CPO: variants seen among roughly 807,000 people sequenced by gnomAD.
The protein encoded by CPO is metallocarboxypeptidase C.
In CPO, 43 loss-of-function variants were observed where a neutral mutation model predicts 41.2. The observed-to-expected ratio is 1.04, with a 90% CI of 0.82 to 1.35. The LOEUF (loss-of-function observed/expected upper bound fraction) is 1.35. Ranked by LOEUF, CPO falls within the 40% of genes most tolerant of loss-of-function variation. The pLI, the probability that CPO is intolerant of heterozygous loss-of-function variation, is 0.00. For missense variants in CPO, 408 were observed against 451.7 expected, an observed-to-expected ratio of 0.90 and a Z score of 0.88; for synonymous variants, 178 against 162.7, an observed-to-expected ratio of 1.09 and a Z score of -0.72.
At chr2:206,965,285 A>G (rs1222534198) in intron 7 of CPO, among the ~76,000 whole-genome samples, 1 of 152,200 alleles carries the variant, frequency 6.6e-6, no homozygotes, top group Non-Finnish European at 1.5e-5. Context: ...GAAGCTACTT[A>G]GCAGTGTTTT....
chr2:206,942,447 A>G (rs534565442), intron 1 of CPO, among the ~76,000 whole-genome samples: 1 of 152,284 alleles, frequency 6.6e-6, no homozygotes, highest in South Asian at 2.1e-4. Context: ...AAAGTTTGAA[A>G]ATACAGAACT....
chr2:206,947,584 C>G (rs1372659206), intron 1 of CPO, among the ~76,000 whole-genome samples: 2 of 151,798 alleles, frequency 1.3e-5, no homozygotes. Flanking sequence ...TTCTACTTTG[C>G]AAAAGACAAT....
chr2:206,945,697 G>A (rs1156832754), intron 1 of CPO, among the ~76,000 whole-genome samples: 3 of 152,292 alleles, frequency 2.0e-5, no homozygotes, highest in Admixed American at 1.3e-4. Flanking sequence ...GAGGCACTGA[G>A]TAGCTTTATT....
intron 1 of CPO, among the ~76,000 whole-genome samples, chr2:206,939,932 T>C (rs1374651169): frequency 1.3e-5 from 2 of 152,148 alleles, no homozygotes; most frequent in Non-Finnish European, 2.9e-5. Flanking sequence ...TGTTTTGTGA[T>C]TGGAAAAAGA....
chr2:206,946,021 G>C (rs1693138748), intron 1 of CPO, among the ~76,000 whole-genome samples: 1 of 151,424 alleles, frequency 6.6e-6, no homozygotes, highest in African/African-American at 2.4e-5. Flanking sequence ...AAAGCACCAG[G>C]CCAAGATAGG....
intron 1 of CPO, among the ~76,000 whole-genome samples, chr2:206,944,571 G>A (rs1225331197): frequency 6.6e-6 from 1 of 151,720 alleles, no homozygotes; most frequent in Non-Finnish European, 1.5e-5. Flanking sequence ...CATTTTCATT[G>A]TTTTAACCAA....
At chr2:206,969,036 A>T (rs73053220) in intron 8 of CPO, 138 bp from the exon 9 acceptor site, 66,276 of 864,740 alleles carry the variant, frequency 0.077, 3,452 homozygotes, top group African/African-American at 0.22. Context: ...GAAGAAAGAG[A>T]AGACAGCTAT....
Position 206,958,450 on chromosome 2 carries a change from A to T in CPO, c.372+45A>T, listed in dbSNP as rs746217253. 1.8e-5 allele frequency: 19 copies of T among 1,043,650 alleles called. No individual in the cohort carries two copies. In the Middle Eastern group the frequency reaches 6.2e-4, roughly 34 times the overall value. The allele number at this position is 1,043,650 out of a possible 1,614,324, so 64.6% of individuals were successfully genotyped here. On this transcript the variant is annotated intron_variant, in intron 4 of 8. Transcript: ENST00000272852. ...TCATACTGGTAAATCACCCCCATAA[A>T]ATATCTGTCACTTCTTGGCTGCTTA... is the stretch of plus-strand genomic sequence containing the variant.
chr2:206,956,605 A>G (rs746847391), intron 3 of CPO, among the ~76,000 whole-genome samples: 1 of 152,216 alleles, frequency 6.6e-6, no homozygotes, highest in Non-Finnish European at 1.5e-5. Flanking sequence ...ACACTTGATC[A>G]TAGCCAAAAG....
rs939569263 is a variant in CPO, at chr2:206,965,516, T to C, written c.778-2747T>C. On this transcript the variant is annotated intron_variant, in intron 7 of 8. Coordinates refer to ENST00000272852, the MANE Select transcript of CPO (RefSeq NM_173077.3). The stretch of plus-strand genomic sequence containing the variant: ...TGTGTAGGAGAAACATAACTATATA[T>C]AGCCTCTTTCTAAACTGCTCTGGAA... 3.9e-4 allele frequency among the ~76,000 whole-genome samples: 59 copies of C among 152,320 alleles called. 1 individual carries two copies. Among genetic ancestry groups the C allele is most frequent in the African/African-American group, 1.4e-3 (58 of 41,574 alleles).
chr2:206,969,176 G>A lies in CPO; in HGVS notation c.865G>A (p.Ala289Thr). 6.2e-7 allele frequency: 1 copy of A among 1,614,020 alleles called. No homozygotes were observed. Among genetic ancestry groups the A allele is most frequent in the Non-Finnish European group, 8.5e-7 (1 of 1,179,864 alleles). The change falls in exon 9 of 9, where the codon GCC becomes ACC. Residue 289 changes from alanine to threonine, a missense_variant and splice_region_variant. Coordinates refer to ENST00000272852, the MANE Select transcript of CPO (RefSeq NM_173077.3). ...TGCCTTCATGTTTTCACCTGTAGAT[G>A]CCTCATCAGGGTCTTCAAGAGATTG... The part of the protein sequence containing the change: ...RVGSSADILY[A>T]SSGSSRDWAR...
At chr2:206,956,356 G>A (rs1182772481) in intron 3 of CPO, among the ~76,000 whole-genome samples, 1 of 152,128 alleles carries the variant, frequency 6.6e-6, no homozygotes, top group African/African-American at 2.4e-5. Flanking sequence ...AACCAGAGTT[G>A]ACAATCTCTG....
Position 206,967,352 on chromosome 2 carries a change from G to GAT in CPO, c.778-905_778-904dup, listed in dbSNP as rs1289145502. ...AATGCTATATATATATATATATATA[G>GAT]ATATATAGATATAGATATAGATATA... On this transcript the variant is annotated intron_variant, in intron 7 of 8. Transcript: ENST00000272852. Among the ~76,000 whole-genome samples the GAT allele has an allele frequency of 6.4e-3, 755 of 118,392 alleles. 9 individuals carry two copies. Among genetic ancestry groups the GAT allele is most frequent in the African/African-American group, 0.024 (714 of 29,722 alleles). The allele number at this position is 118,392 out of a possible 152,430, so 77.7% of individuals were successfully genotyped here. A position where few individuals can be genotyped will look rare whatever the true frequency, so the allele number is the denominator to read the frequency against.
chr2:206,966,957 C>A (rs947879516), intron 7 of CPO, among the ~76,000 whole-genome samples: 1 of 152,154 alleles, frequency 6.6e-6, no homozygotes, highest in Non-Finnish European at 1.5e-5. Context: ...TAGGGTTCAG[C>A]TGGACAATAC....
intron 7 of CPO, among the ~76,000 whole-genome samples, chr2:206,967,671 A>G (rs1439857794): frequency 6.6e-6 from 1 of 152,192 alleles, no homozygotes; most frequent in African/African-American, 2.4e-5. Context: ...GTTTTTGACT[A>G]TCATCTAGGA....
chr2:206,955,607 C>G (rs754437509), intron 3 of CPO, 43 bp downstream of exon 3: 1 of 1,033,012 alleles, frequency 9.7e-7, no homozygotes, highest in Non-Finnish European at 1.5e-6. Flanking sequence ...GAGAATTATC[C>G]AGGAGGATAT....
At chr2:206,958,778 G>A (rs982499966) in intron 4 of CPO, among the ~76,000 whole-genome samples, 8 of 62,174 alleles carry the variant, frequency 1.3e-4, no homozygotes, top group African/African-American at 5.0e-4. Flanking sequence ...TTTTGCTCTT[G>A]TTGCCCAGGC....
At chr2:206,943,659 A>G (rs1376295522) in intron 1 of CPO, among the ~76,000 whole-genome samples, 2 of 126,932 alleles carry the variant, frequency 1.6e-5, no homozygotes, top group African/African-American at 2.6e-5. Flanking sequence ...TTACGATCAA[A>G]TGAAGATAGA....
At position 206,958,306 on chromosome 2, in the gene CPO, C is replaced by T. The variant is rs775430001; in HGVS notation, c.273C>T (p.Ser91=). 1.3e-6 allele frequency: 2 copies of T among 1,569,184 alleles called. No homozygotes were observed. The highest frequency in any genetic ancestry group is 2.3e-5 in the South Asian group (2 of 86,230). ...ETHPMYYLKI[S]QPSGNPKKII... ...GGCATGGATATCTTCTCCAGATCAG[C>T]CAACCATCTGGTAATCCCAAGAAAA... Residue 91 remains serine (S), a synonymous_variant, in exon 4 of 9, where the codon AGC becomes AGT. Coordinates refer to ENST00000272852, the MANE Select transcript of CPO (RefSeq NM_173077.3).
Sources: gnomAD v4.1 joint callset for allele counts (sites outside exome capture counted in the v4.1 genomes callset) on GRCh38, gnomAD v4.1.1 for gene constraint, MANE v1.5 for transcripts, NCBI Gene and HGNC (gene_info 2026-07-23, HGNC 2026-07-21) for gene names.